ABCC4: variants seen among roughly 807,000 people sequenced by gnomAD.
ABCC4 encodes the protein ATP-binding cassette sub-family C member 4.
Under a neutral mutation model 168.5 loss-of-function variants are expected in ABCC4, and 102 were observed. That is an observed-to-expected ratio of 0.61 (90% CI 0.52 to 0.71). The LOEUF (loss-of-function observed/expected upper bound fraction) is 0.71. Among genes scored for constraint, ABCC4 ranks in the 30% least tolerant of loss-of-function variants. The probability of loss-of-function intolerance (pLI) is 0.00; values close to 1 mark genes in which losing one functional copy is unlikely to be tolerated. For synonymous variants in ABCC4, 617 were observed against 590.7 expected (o/e 1.04, Z -0.65); for missense variants, 1,402 against 1,605.8 (o/e 0.87, Z 2.17).
chr13:95,286,883 G>A (rs189726536), intron 1 of ABCC4, among the ~76,000 whole-genome samples: 3 of 149,416 alleles, frequency 2.0e-5, no homozygotes, highest in African/African-American at 4.9e-5. Flanking sequence ...CTTGAACCCC[G>A]AGGCAGAGGT....
At chr13:95,241,225 T>C (rs751929425) in intron 3 of ABCC4, among the ~76,000 whole-genome samples, 3 of 151,324 alleles carry the variant, frequency 2.0e-5, no homozygotes, top group Admixed American at 6.6e-5. Flanking sequence ...ATTAGCTGGG[T>C]GTGGTGGCGC....
chr13:95,121,740 G>T (rs530524298), intron 19 of ABCC4, among the ~76,000 whole-genome samples: 92 of 152,046 alleles, frequency 6.1e-4, no homozygotes, highest in South Asian at 1.9e-3. Context: ...TTCTGAGACT[G>T]CCTTGAAGAA....
At chr13:95,122,294 A>G (rs1417460152) in intron 19 of ABCC4, among the ~76,000 whole-genome samples, 1 of 152,298 alleles carries the variant, frequency 6.6e-6, no homozygotes, top group Non-Finnish European at 1.5e-5. Flanking sequence ...CCTACAAAAC[A>G]TCTTACGCGT....
chr13:95,218,842 C>A lies in ABCC4; in HGVS notation c.532-8061G>T, dbSNP rs947364349. 3.2e-5 allele frequency among the ~76,000 whole-genome samples: 4 copies of A among 125,536 alleles called. 1 individual carries two copies. The highest frequency in any genetic ancestry group is 5.1e-4 in the South Asian group (2 of 3,924). The allele number at this position is 125,536 out of a possible 152,430, so 82.4% of individuals were successfully genotyped here. ...ATCCAGTCTGGGCAACAGAGCAAAACCAAGAAAGAAAAGAAAAAAAAAGAA... is the reference window on the plus strand; with the variant it reads ...ATCCAGTCTGGGCAACAGAGCAAAAACAAGAAAGAAAAGAAAAAAAAAGAA... On this transcript the variant is annotated intron_variant, in intron 4 of 30. Transcript: ENST00000645237.
chr13:95,145,178 C>CAT (rs2036451495), intron 19 of ABCC4, among the ~76,000 whole-genome samples: 1 of 152,106 alleles, frequency 6.6e-6, no homozygotes, highest in Non-Finnish European at 1.5e-5. Flanking sequence ...AAAAGGAACA[C>CAT]ATATATACTG....
intron 20 of ABCC4, among the ~76,000 whole-genome samples, chr13:95,104,310 C>T (rs982859397): frequency 6.6e-6 from 1 of 152,140 alleles, no homozygotes; most frequent in Admixed American, 6.5e-5. Flanking sequence ...GATGGGGCTT[C>T]GCCACATTGG....
intron 19 of ABCC4, among the ~76,000 whole-genome samples, chr13:95,153,136 A>G (rs1042989895): frequency 1.3e-5 from 2 of 152,238 alleles, no homozygotes; most frequent in African/African-American, 2.4e-5. Flanking sequence ...TCCAACAGCT[A>G]AGAACTAAGT....
rs1276120993 is a variant in ABCC4, at chr13:95,020,431, G to A, written c.*1144C>T. On this transcript the variant is annotated 3_prime_UTR_variant, in exon 31 of 31. Transcript: ENST00000645237. ...CATCAGGAAAAATTAAAGACTCATA[G>A]TTCAAATAAAGTACAAAAGGTCCCA... 6.6e-6 allele frequency: 1 copy of A among 152,424 alleles called. No homozygotes were observed. The highest frequency in any genetic ancestry group is 2.4e-5 in the African/African-American group (1 of 41,428). 9.4% of individuals were successfully genotyped at this position (152,424 alleles called of 1,614,324 possible).
intron 25 of ABCC4, among the ~76,000 whole-genome samples, chr13:95,068,159 C>G (rs980788160): frequency 6.6e-6 from 1 of 152,226 alleles, no homozygotes. Flanking sequence ...CAATGCCCCT[C>G]TCCATCAGCT....
intron 20 of ABCC4, chr13:95,095,775 A>T (rs1435073344): frequency 5.7e-6 from 1 of 174,816 alleles, no homozygotes; most frequent in Admixed American, 6.3e-5. Context: ...AAAGGAAAAG[A>T]TTGATAAGTA....
At chr13:95,217,974 C>T (rs1218617480) in intron 4 of ABCC4, among the ~76,000 whole-genome samples, 1 of 152,124 alleles carries the variant, frequency 6.6e-6, no homozygotes, top group Non-Finnish European at 1.5e-5. Flanking sequence ...CACACCATTA[C>T]CTACTAGTGT....
At chr13:95,087,026 G>A (rs1474513010) in intron 20 of ABCC4, among the ~76,000 whole-genome samples, 4 of 146,432 alleles carry the variant, frequency 2.7e-5, no homozygotes, top group Non-Finnish European at 4.5e-5. Context: ...CTTCGCAGAA[G>A]ACAAATCTTA....
intron 6 of ABCC4, among the ~76,000 whole-genome samples, chr13:95,208,476 A>G (rs1431948685): frequency 6.6e-6 from 1 of 152,106 alleles, no homozygotes; most frequent in Non-Finnish European, 1.5e-5. Context: ...CAAAGAACTC[A>G]ATGCACTTCC....
intron 9 of ABCC4, among the ~76,000 whole-genome samples, chr13:95,190,513 A>T (rs1178237737): frequency 6.6e-6 from 1 of 152,194 alleles, no homozygotes; most frequent in Non-Finnish European, 1.5e-5. Context: ...CAAAATGAGG[A>T]GGTTTCCTCT....
chr13:95,158,100 C>T (rs1040488819), intron 19 of ABCC4, among the ~76,000 whole-genome samples: 3 of 150,498 alleles, frequency 2.0e-5, no homozygotes, highest in African/African-American at 7.3e-5. Context: ...GAAACAGAAA[C>T]TTCGCTGCTG....
At chr13:95,085,125 A>G (rs987133909) in intron 20 of ABCC4, among the ~76,000 whole-genome samples, 4 of 152,190 alleles carry the variant, frequency 2.6e-5, no homozygotes, top group African/African-American at 9.6e-5. Flanking sequence ...ACTTCAGCAG[A>G]AAGTACAGAG....
At chr13:95,108,483 A>G (rs527570160) in intron 20 of ABCC4, among the ~76,000 whole-genome samples, 3 of 152,086 alleles carry the variant, frequency 2.0e-5, no homozygotes, top group Non-Finnish European at 4.4e-5. Flanking sequence ...GTGATAGTGA[A>G]TAAGTCACAT....
Position 95,046,090 on chromosome 13 carries a change from T to G in ABCC4, c.3457-1652A>C, listed in dbSNP as rs115100521. On this transcript the variant is annotated intron_variant, in intron 27 of 30. Transcript: ENST00000645237. ...TGTCAGCTTAGTCAAACCCTCTCCATTACAAAGAAGAGGACTTGCTGAGTA... is the reference window on the plus strand; with the variant it reads ...TGTCAGCTTAGTCAAACCCTCTCCAGTACAAAGAAGAGGACTTGCTGAGTA... Among the ~76,000 whole-genome samples, 1,445 of 152,290 alleles carry G rather than the reference T, an allele frequency of 9.5e-3. 32 individuals carry two copies. The highest frequency in any genetic ancestry group is 0.033 in the African/African-American group (1,361 of 41,558).
chr13:95,054,296 G>A (rs1030075459), intron 26 of ABCC4, among the ~76,000 whole-genome samples: 1 of 151,886 alleles, frequency 6.6e-6, no homozygotes, highest in African/African-American at 2.4e-5. Context: ...TGCTTCAGGA[G>A]GATCCCACAA....
Sources: gnomAD v4.1 joint callset for allele counts (sites outside exome capture counted in the v4.1 genomes callset) on GRCh38, gnomAD v4.1.1 for gene constraint, MANE v1.5 for transcripts, NCBI Gene and HGNC (gene_info 2026-07-23, HGNC 2026-07-21) for gene names.